The following DOCK1 variants were observed in gnomAD, a reference collection of about 807,000 sequenced individuals.
The protein encoded by DOCK1 is dedicator of cytokinesis 1, also known as dedicator of cytokinesis protein 1.
A neutral mutation model predicts 262.7 loss-of-function variants in DOCK1; 138 were observed. The observed-to-expected ratio is 0.53, with a 90% CI of 0.46 to 0.61. DOCK1 has a LOEUF of 0.61. Among genes scored for constraint, DOCK1 ranks in the 20% least tolerant of loss-of-function variants. The pLI is 0.00. For synonymous variants in DOCK1, 866 were observed against 867.4 expected (o/e 1.00, Z 0.03); for missense variants, 1,908 against 2,370.7 (o/e 0.80, Z 4.05).
intron 1 of DOCK1, among the ~76,000 whole-genome samples, chr10:126,911,462 G>A (rs937632802): frequency 2.0e-5 from 3 of 152,298 alleles, no homozygotes; most frequent in African/African-American, 4.8e-5. Flanking sequence ...AAGGCTGACC[G>A]GGCACATGCA....
intron 23 of DOCK1, among the ~76,000 whole-genome samples, chr10:127,101,731 G>C (rs934557531): frequency 1.6e-4 from 25 of 152,298 alleles, no homozygotes; most frequent in Middle Eastern, 6.8e-3. Context: ...ATAAAGGCCT[G>C]TCTTGTTTGT....
At chr10:127,267,997 C>T (rs1168010680) in intron 29 of DOCK1, among the ~76,000 whole-genome samples, 1 of 152,104 alleles carries the variant, frequency 6.6e-6, no homozygotes, top group Non-Finnish European at 1.5e-5. Context: ...ACAGTTGTTT[C>T]CCCTAGAGGA....
rs918493688 is a variant in DOCK1, at chr10:126,951,002, G to A, written c.47-19700G>A. ...GATTGTGTTGGTAGTATTGATGTTGGTGGGGGTGGTGAAGGTGGTAGTATT... is the reference window on the plus strand; with the variant it reads ...GATTGTGTTGGTAGTATTGATGTTGATGGGGGTGGTGAAGGTGGTAGTATT... On this transcript the variant is annotated intron_variant, in intron 1 of 51. Transcript: ENST00000623213. Among the ~76,000 whole-genome samples, 59 of 152,062 alleles carry A rather than the reference G, an allele frequency of 3.9e-4. No homozygotes were observed. In the East Asian group the frequency reaches 6.8e-3, roughly 17 times the overall value.
At chr10:127,047,564 T>G (rs927761576) in intron 21 of DOCK1, among the ~76,000 whole-genome samples, 4 of 152,176 alleles carry the variant, frequency 2.6e-5, no homozygotes, top group South Asian at 2.1e-4. Context: ...AAAATGCTCA[T>G]TTTAATTTTG....
chr10:127,202,196 G>T (rs1248351142), intron 27 of DOCK1, among the ~76,000 whole-genome samples: 1 of 152,114 alleles, frequency 6.6e-6, no homozygotes, highest in Non-Finnish European at 1.5e-5. Flanking sequence ...AGTGGCTCAT[G>T]ACTGTAATCC....
intron 29 of DOCK1, among the ~76,000 whole-genome samples, chr10:127,282,446 G>A (rs984719841): frequency 2.6e-5 from 4 of 152,214 alleles, no homozygotes; most frequent in African/African-American, 7.2e-5. Context: ...GAGAGACACA[G>A]GCAGGATTTC....
At chr10:127,019,332 A>G (rs140650103) in intron 13 of DOCK1, among the ~76,000 whole-genome samples, 9,416 of 152,330 alleles carry the variant, frequency 0.062, 411 homozygotes, top group Non-Finnish European at 0.095. Context: ...TCATATTTAC[A>G]TAATACTTTT....
At chr10:127,046,404 A>G (rs1381420343) in intron 21 of DOCK1, among the ~76,000 whole-genome samples, 1 of 152,086 alleles carries the variant, frequency 6.6e-6, no homozygotes, top group African/African-American at 2.4e-5. Flanking sequence ...GCTCCCTACT[A>G]GAGCTCTGGT....
At chr10:127,275,950 C>T (rs987984256) in intron 29 of DOCK1, among the ~76,000 whole-genome samples, 11 of 152,262 alleles carry the variant, frequency 7.2e-5, no homozygotes, top group Admixed American at 6.5e-5. Context: ...GCATGGCGTA[C>T]AGGCCGCGTT....
At chr10:126,940,037 AAGG>A (rs1440097419) in intron 1 of DOCK1, among the ~76,000 whole-genome samples, 8 of 152,150 alleles carry the variant, frequency 5.3e-5, no homozygotes, top group Non-Finnish European at 1.2e-4. Context: ...GAGAAGCAAG[AAGG>A]AGAAGGGTGC....
intron 16 of DOCK1, among the ~76,000 whole-genome samples, chr10:127,028,499 C>G (rs1305040131): frequency 6.6e-6 from 1 of 152,166 alleles, no homozygotes; most frequent in East Asian, 1.9e-4. Flanking sequence ...CTTGGAAACC[C>G]CAGGTCAGGG....
rs2042163017 is a variant in DOCK1, at chr10:127,018,294, C to T, written c.1202-416C>T. 2.6e-5 allele frequency among the ~76,000 whole-genome samples: 4 copies of T among 152,208 alleles called. No homozygotes were observed. In the South Asian group the frequency reaches 8.3e-4, roughly 32 times the overall value. On this transcript the variant is annotated intron_variant, in intron 12 of 51. Coordinates refer to ENST00000623213, the MANE Select transcript of DOCK1 (RefSeq NM_001290223.2). ...ATGGGTTCTCGAAGCTACGAATTCA[C>T]CTCCAGAATCCTCCCCTGCCTTTGT...
In DOCK1 at chr10:127,448,031, G is replaced by C. The variant is rs2070700465; in HGVS notation, c.5565+486G>C. On this transcript the variant is annotated intron_variant, in intron 51 of 51. Transcript: ENST00000623213. ...ACATCCCTCCAGGCAGCCTCACCTG[G>C]TGCTGGGAGCTCCTGGGTGGTGACA... Among the ~76,000 whole-genome samples the C allele has an allele frequency of 3.3e-5, 5 of 152,298 alleles. No individual in the cohort carries two copies. The South Asian group carries it at 1.0e-3, about 32-fold the overall frequency.
chr10:127,298,591 C>G (rs923200640), intron 29 of DOCK1, among the ~76,000 whole-genome samples: 4 of 152,294 alleles, frequency 2.6e-5, no homozygotes, highest in Admixed American at 6.5e-5. Flanking sequence ...TAAATTGTCT[C>G]GTGACTGAGG....
intron 3 of DOCK1, among the ~76,000 whole-genome samples, chr10:126,981,106 C>A (rs1362741457): frequency 6.6e-6 from 1 of 152,106 alleles, no homozygotes; most frequent in Non-Finnish European, 1.5e-5. Context: ...CGCCACCACA[C>A]CCGGCTAATT....
intron 23 of DOCK1, among the ~76,000 whole-genome samples, chr10:127,097,651 G>C (rs573793190): frequency 6.6e-6 from 1 of 152,180 alleles, no homozygotes; most frequent in Admixed American, 6.5e-5. Context: ...GTGGACAGAC[G>C]AAAGCTTTAC....
intron 25 of DOCK1, among the ~76,000 whole-genome samples, chr10:127,121,999 T>G (rs971259772): frequency 6.6e-6 from 1 of 152,226 alleles, no homozygotes; most frequent in Admixed American, 6.5e-5. Flanking sequence ...TCTGCTCTTA[T>G]GGAGATTGCA....
chr10:127,263,429 C>T (rs79211969), intron 29 of DOCK1, among the ~76,000 whole-genome samples: 10,779 of 61,990 alleles, frequency 0.17, 427 homozygotes, highest in East Asian at 0.27. Context: ...TCCCAAAGTA[C>T]GGTGTTCACT....
rs188598478 is a variant in DOCK1 at position 126,986,726 on chromosome 10, A to G, written c.228-795A>G. On this transcript the variant is annotated intron_variant, in intron 4 of 51. Coordinates refer to ENST00000623213, the MANE Select transcript of DOCK1 (RefSeq NM_001290223.2). ...GGCGTTCAAGACCAGCCTGGCCAAT[A>G]TGGTGAAACCTCATCTCTACTAAAA... Among the ~76,000 whole-genome samples, 936 of 152,306 alleles carry G rather than the reference A, an allele frequency of 6.1e-3. 7 individuals carry two copies. The highest frequency in any genetic ancestry group is 0.01 in the Non-Finnish European group (686 of 68,026).
Sources: gnomAD v4.1 joint callset for allele counts (sites outside exome capture counted in the v4.1 genomes callset) on GRCh38, gnomAD v4.1.1 for gene constraint, MANE v1.5 for transcripts, NCBI Gene and HGNC (gene_info 2026-07-23, HGNC 2026-07-21) for gene names.